The following HIBADH variants were observed in gnomAD, a reference collection of about 807,000 sequenced individuals.
The protein encoded by HIBADH is 3-hydroxyisobutyrate dehydrogenase.
In HIBADH, 25 loss-of-function variants were observed where a neutral mutation model predicts 36.1. That is an observed-to-expected ratio of 0.69 (90% CI 0.50 to 0.97). HIBADH has a LOEUF of 0.97. HIBADH is among the 50% of genes least tolerant of loss of function. HIBADH has a pLI of 0.00. For synonymous variants in HIBADH, 160 were observed against 149.5 expected (o/e 1.07, Z -0.51); for missense variants, 421 against 418.0 (o/e 1.01, Z -0.06).
intron 1 of HIBADH, among the ~76,000 whole-genome samples, chr7:27,656,698 C>T (rs1032157357): frequency 2.0e-5 from 3 of 152,130 alleles, no homozygotes; most frequent in African/African-American, 7.2e-5. Flanking sequence ...AATTTTATAA[C>T]CTTTCCCATT....
intron 4 of HIBADH, among the ~76,000 whole-genome samples, chr7:27,568,896 T>C (rs1784585677): frequency 6.8e-6 from 1 of 147,656 alleles, no homozygotes; most frequent in South Asian, 2.1e-4. Flanking sequence ...TTGGGAAGCT[T>C]TCAGCCACCT....
chr7:27,613,696 T>C (rs7809748), intron 4 of HIBADH, among the ~76,000 whole-genome samples: 113,040 of 148,988 alleles, frequency 0.76, 43,383 homozygotes, highest in East Asian at 0.94. Context: ...TCTCACTCTG[T>C]CACCCAGGCT....
intron 4 of HIBADH, among the ~76,000 whole-genome samples, chr7:27,556,189 T>C (rs1490031411): frequency 2.0e-5 from 3 of 152,206 alleles, no homozygotes; most frequent in African/African-American, 7.2e-5. Flanking sequence ...TAAGCAATGC[T>C]TGATACACGA....
chr7:27,616,307 C>T (rs1785426233), intron 4 of HIBADH, among the ~76,000 whole-genome samples: 2 of 152,142 alleles, frequency 1.3e-5, no homozygotes, highest in Non-Finnish European at 1.5e-5. Context: ...AAATACTTCC[C>T]ATGAGGCCTC....
chr7:27,528,452 CCAG>C (rs1783944194), intron 7 of HIBADH, among the ~76,000 whole-genome samples: 1 of 152,130 alleles, frequency 6.6e-6, no homozygotes, highest in Admixed American at 6.5e-5. Flanking sequence ...AAATGCTATT[CCAG>C]TGAACACATG....
At chr7:27,559,714 G>A (rs961321217) in intron 4 of HIBADH, among the ~76,000 whole-genome samples, 28 of 152,156 alleles carry the variant, frequency 1.8e-4, no homozygotes, top group Non-Finnish European at 4.4e-5. Flanking sequence ...TAGGGAATAT[G>A]ACAGGATTTT....
intron 4 of HIBADH, among the ~76,000 whole-genome samples, chr7:27,588,298 GC>G (rs1478555874): frequency 6.6e-6 from 1 of 152,072 alleles, no homozygotes; most frequent in African/African-American, 2.4e-5. Flanking sequence ...TAAATACAAG[GC>G]AAGAAGTTTT....
At chr7:27,538,241 C>A (rs1397106739) in intron 6 of HIBADH, 100 bp downstream of exon 6, 2 of 885,692 alleles carry the variant, frequency 2.3e-6, no homozygotes, top group African/African-American at 3.4e-5. Flanking sequence ...GTTCTTGGAT[C>A]AACTCATTTA....
intron 2 of HIBADH, among the ~76,000 whole-genome samples, chr7:27,632,843 G>A (rs945705343): frequency 6.6e-6 from 1 of 152,018 alleles, no homozygotes; most frequent in Non-Finnish European, 1.5e-5. Context: ...TAACTCAACT[G>A]TAGGATTCAT....
intron 5 of HIBADH, chr7:27,541,684 G>A: frequency 2.5e-6 from 1 of 393,536 alleles, no homozygotes; most frequent in Non-Finnish European, 4.9e-6. Flanking sequence ...CAGCTTCTTA[G>A]GAGCACTTCC....
chr7:27,661,354 G>A (rs1310149541), intron 1 of HIBADH, among the ~76,000 whole-genome samples: 1 of 152,050 alleles, frequency 6.6e-6, no homozygotes, highest in Admixed American at 6.6e-5. Flanking sequence ...TAATCCCAAC[G>A]CTTTGGGAGG....
chr7:27,585,109 A>T (rs1230457550), intron 4 of HIBADH, among the ~76,000 whole-genome samples: 1 of 152,106 alleles, frequency 6.6e-6, no homozygotes, highest in East Asian at 1.9e-4. Flanking sequence ...GTAAATTTAT[A>T]GACCTATAAA....
intron 7 of HIBADH, among the ~76,000 whole-genome samples, chr7:27,528,160 T>C (rs1260135558): frequency 6.6e-6 from 1 of 152,010 alleles, no homozygotes; most frequent in African/African-American, 2.4e-5. Context: ...TACACATGTG[T>C]TCTGACTGCC....
Position 27,649,501 on chromosome 7 carries a change from C to T in HIBADH, c.224G>A (p.Cys75Tyr). 1.9e-6 allele frequency: 3 copies of T among 1,612,684 alleles called. No homozygotes were observed. The highest frequency in any genetic ancestry group is 2.5e-6 in the Non-Finnish European group (3 of 1,179,434). The change falls in exon 2 of 8, where the codon TGC becomes TAC. Residue 75 changes from cysteine to tyrosine, a missense_variant. Transcript: ENST00000265395. ...TTCACCTGCATCTTGAAACTCTTTG[C>T]AGGCATCAGGGAACACATCATAAAT... ...LIIYDVFPDA[C>Y]KEFQDAGEQV...
At chr7:27,622,459 G>A (rs1785562297) in intron 4 of HIBADH, among the ~76,000 whole-genome samples, 2 of 152,112 alleles carry the variant, frequency 1.3e-5, no homozygotes, top group Admixed American at 1.3e-4. Context: ...AGATGAAATA[G>A]AGACTTAAAA....
At chr7:27,563,258 G>A (rs1784493739) in intron 4 of HIBADH, among the ~76,000 whole-genome samples, 1 of 152,174 alleles carries the variant, frequency 6.6e-6, no homozygotes, top group African/African-American at 2.4e-5. Flanking sequence ...ATATTGCTGA[G>A]TAATATTCCC....
At chr7:27,527,912 C>A (rs1372789543) in intron 7 of HIBADH, among the ~76,000 whole-genome samples, 1 of 64,754 alleles carries the variant, frequency 1.5e-5, no homozygotes, top group South Asian at 4.4e-4. Context: ...CACCACCACA[C>A]CCAGCGTTTT....
chr7:27,595,235 A>T (rs1785011034), intron 4 of HIBADH, among the ~76,000 whole-genome samples: 1 of 152,168 alleles, frequency 6.6e-6, no homozygotes, highest in Non-Finnish European at 1.5e-5. Flanking sequence ...TGTAATTTCC[A>T]GCCAGGCGCA....
intron 2 of HIBADH, among the ~76,000 whole-genome samples, chr7:27,648,262 G>A (rs1231500264): frequency 2.0e-5 from 3 of 152,162 alleles, no homozygotes; most frequent in Admixed American, 6.5e-5. Flanking sequence ...AATTAAGCCT[G>A]TAAGCCTGCT....
Sources: gnomAD v4.1 joint callset for allele counts (sites outside exome capture counted in the v4.1 genomes callset) on GRCh38, gnomAD v4.1.1 for gene constraint, MANE v1.5 for transcripts, NCBI Gene and HGNC (gene_info 2026-07-23, HGNC 2026-07-21) for gene names.